Variants in PCDH9 observed in about 807,000 individuals in gnomAD.
PCDH9 encodes protocadherin 9, also known as protocadherin-9.
Under a neutral mutation model 70.6 loss-of-function variants are expected in PCDH9, and 24 were observed. The observed-to-expected ratio is 0.34, with a 90% CI of 0.25 to 0.48. The LOEUF (loss-of-function observed/expected upper bound fraction) is 0.48. Ranked by LOEUF, PCDH9 falls within the 20% of genes least tolerant of loss-of-function variation. The pLI is 0.99. For synonymous variants in PCDH9, 562 were observed against 558.5 expected, an observed-to-expected ratio of 1.01 and a Z score of -0.09; for missense variants, 1,281 against 1,503.6, an observed-to-expected ratio of 0.85 and a Z score of 2.45.
chr13:66,894,437 T>C (rs1275658076), intron 3 of PCDH9, among the ~76,000 whole-genome samples: 2 of 152,202 alleles, frequency 1.3e-5, no homozygotes, highest in East Asian at 3.8e-4. Flanking sequence ...CCTGAGATTA[T>C]ATAGGTTATG....
chr13:67,224,478 A>C (rs2089803143), intron 2 of PCDH9: 1 of 152,230 alleles, frequency 6.6e-6, no homozygotes, highest in African/African-American at 2.4e-5. Flanking sequence ...GCAACAGACA[A>C]GCACCAGTGA....
intron 3 of PCDH9, among the ~76,000 whole-genome samples, chr13:66,670,912 T>TAAA (rs35287889): frequency 3.3e-5 from 4 of 120,230 alleles, no homozygotes; most frequent in African/African-American, 1.2e-4. Context: ...TGTTCTTATT[T>TAAA]AAAAAAAAAA....
intron 2 of PCDH9, among the ~76,000 whole-genome samples, chr13:67,102,571 A>C (rs2086457333): frequency 6.6e-6 from 1 of 152,158 alleles, no homozygotes; most frequent in African/African-American, 2.4e-5. Flanking sequence ...TACCGTCTTT[A>C]TTTATTCTAC....
chr13:66,606,709 C>T (rs915017854), intron 4 of PCDH9, among the ~76,000 whole-genome samples: 5 of 152,100 alleles, frequency 3.3e-5, no homozygotes, highest in Admixed American at 2.0e-4. Flanking sequence ...TTATGCCCTA[C>T]ATTTTTATTT....
chr13:67,030,077 C>CTTTA (rs943790862), intron 2 of PCDH9, among the ~76,000 whole-genome samples: 34 of 152,038 alleles, frequency 2.2e-4, no homozygotes, highest in African/African-American at 8.2e-4. Context: ...GGAGCTATAG[C>CTTTA]TTTATTTATT....
chr13:66,463,794 A>C (rs2138460906), intron 4 of PCDH9, among the ~76,000 whole-genome samples: 1 of 151,922 alleles, frequency 6.6e-6, no homozygotes, highest in South Asian at 2.1e-4. Flanking sequence ...AGGAGAGATG[A>C]GGAAAACCAT....
chr13:66,474,691 T>C (rs1391019589), intron 4 of PCDH9, among the ~76,000 whole-genome samples: 1 of 152,118 alleles, frequency 6.6e-6, no homozygotes, highest in Non-Finnish European at 1.5e-5. Flanking sequence ...TAAAATTATT[T>C]CAATGGCTAC....
At chr13:67,056,679 A>C (rs2138112758) in intron 2 of PCDH9, among the ~76,000 whole-genome samples, 1 of 152,280 alleles carries the variant, frequency 6.6e-6, no homozygotes, top group East Asian at 1.9e-4. Flanking sequence ...CCTCCTCTGC[A>C]AAGTGAGGAT....
At chr13:66,594,662 C>A (rs1593748524) in intron 4 of PCDH9, among the ~76,000 whole-genome samples, 2 of 151,650 alleles carry the variant, frequency 1.3e-5, no homozygotes, top group East Asian at 3.9e-4. Context: ...GCTCTCCCCA[C>A]CCTCCTCCAT....
At chr13:66,357,711 T>A (rs1956407728) in intron 4 of PCDH9, among the ~76,000 whole-genome samples, 1 of 152,086 alleles carries the variant, frequency 6.6e-6, no homozygotes, top group Non-Finnish European at 1.5e-5. Flanking sequence ...ATAACAATTA[T>A]GATCAATGTT....
chr13:66,527,977 C>A (rs1207136280), intron 4 of PCDH9, among the ~76,000 whole-genome samples: 1 of 152,142 alleles, frequency 6.6e-6, no homozygotes, highest in Non-Finnish European at 1.5e-5. Flanking sequence ...GAGATCACAC[C>A]ACTGCACTCC....
chr13:67,167,446 T>C (rs886430552), intron 2 of PCDH9, among the ~76,000 whole-genome samples: 2 of 152,204 alleles, frequency 1.3e-5, no homozygotes, highest in African/African-American at 2.4e-5. Flanking sequence ...AACTCTCTAG[T>C]ACATAAATTC....
intron 4 of PCDH9, among the ~76,000 whole-genome samples, chr13:66,459,050 C>G (rs572649170): frequency 6.6e-6 from 1 of 151,850 alleles, no homozygotes. Context: ...CCAGAAGGAC[C>G]AAAATATGCT....
intron 3 of PCDH9, among the ~76,000 whole-genome samples, chr13:66,706,128 G>A (rs902819545): frequency 3.9e-5 from 6 of 152,132 alleles, no homozygotes; most frequent in Admixed American, 2.0e-4. Context: ...GTATTTGAAC[G>A]GGAGAAATAC....
intron 4 of PCDH9, among the ~76,000 whole-genome samples, chr13:66,489,092 A>G (rs1958992098): frequency 6.6e-6 from 1 of 152,210 alleles, no homozygotes; most frequent in African/African-American, 2.4e-5. Context: ...TTCAATCTAC[A>G]GAATTAATAT....
intron 2 of PCDH9, among the ~76,000 whole-genome samples, chr13:66,984,752 T>C (rs1398335188): frequency 6.6e-6 from 1 of 152,176 alleles, no homozygotes; most frequent in East Asian, 1.9e-4. Flanking sequence ...TTAAATGACT[T>C]TGACCATCAT....
intron 2 of PCDH9, among the ~76,000 whole-genome samples, chr13:67,049,338 T>C (rs905165714): frequency 1.3e-5 from 2 of 152,206 alleles, no homozygotes; most frequent in Non-Finnish European, 2.9e-5. Context: ...ACAGTAGCAA[T>C]ATGTAAACTG....
intron 2 of PCDH9, among the ~76,000 whole-genome samples, chr13:66,957,602 G>T (rs906756362): frequency 6.6e-6 from 1 of 152,052 alleles, no homozygotes; most frequent in Non-Finnish European, 1.5e-5. Flanking sequence ...AGATAATTAG[G>T]TTTAGATGAG....
At chr13:66,669,332 T>A (rs2078140794) in intron 3 of PCDH9, among the ~76,000 whole-genome samples, 1 of 152,224 alleles carries the variant, frequency 6.6e-6, no homozygotes, top group African/African-American at 2.4e-5. Flanking sequence ...CAGGTTGTTT[T>A]CACTCTGAAG....
Sources: allele counts gnomAD v4.1 joint callset (sites outside exome capture counted in the v4.1 genomes callset), GRCh38; gene constraint gnomAD v4.1.1; transcripts MANE v1.5; gene names NCBI Gene and HGNC (gene_info 2026-07-23, HGNC 2026-07-21).